The following FHIT variants were observed in gnomAD, a reference collection of about 807,000 sequenced individuals.
FHIT encodes fragile histidine triad diadenosine triphosphatase.
A neutral mutation model predicts 17.9 loss-of-function variants in FHIT; 19 were observed. The ratio of observed to expected loss-of-function variants is 1.06; its 90% confidence interval spans 0.74 to 1.56. The LOEUF is 1.56. Among genes scored for constraint, FHIT ranks in the 40% most tolerant of loss-of-function variants. The probability of loss-of-function intolerance (pLI) is 0.00; values close to 1 mark genes in which losing one functional copy is unlikely to be tolerated. For synonymous variants in FHIT, 81 were observed against 69.7 expected (o/e 1.16, Z -0.81); for missense variants, 248 against 189.2 (o/e 1.31, Z -1.82).
At chr3:60,634,396 T>C (rs2039526550) in intron 4 of FHIT, among the ~76,000 whole-genome samples, 1 of 152,038 alleles carries the variant, frequency 6.6e-6, no homozygotes, top group Non-Finnish European at 1.5e-5. Context: ...GCTGCCCGAG[T>C]AGGGCAGTTG....
intron 5 of FHIT, among the ~76,000 whole-genome samples, chr3:60,132,443 A>AG (rs1199783665): frequency 6.6e-6 from 1 of 152,180 alleles, no homozygotes; most frequent in African/African-American, 2.4e-5. Flanking sequence ...CCATTTGAAA[A>AG]GGGGGGAAAA....
rs1026489813 is a variant in FHIT at position 60,394,297 on chromosome 3, A to T, written c.103+142563T>A. ...TTCTTAACTTTCTATTGAGAAACAGATCAACCCACTCTCTATGCAATTTCA... is the reference window on the plus strand; with the variant it reads ...TTCTTAACTTTCTATTGAGAAACAGTTCAACCCACTCTCTATGCAATTTCA... On this transcript the variant is annotated intron_variant, in intron 5 of 9. Coordinates refer to ENST00000492590, the MANE Select transcript of FHIT (RefSeq NM_002012.4). 3.9e-5 allele frequency among the ~76,000 whole-genome samples: 6 copies of T among 152,306 alleles called. No individual in the cohort carries two copies. The East Asian group carries it at 7.7e-4, about 20-fold the overall frequency.
intron 5 of FHIT, among the ~76,000 whole-genome samples, chr3:60,505,277 G>A (rs74745445): frequency 6.6e-6 from 1 of 152,244 alleles, no homozygotes; most frequent in African/African-American, 2.4e-5. Context: ...TTGCAATTAG[G>A]ATGGTCTCAT....
At chr3:61,010,160 T>C (rs2031706927) in intron 3 of FHIT, among the ~76,000 whole-genome samples, 1 of 151,424 alleles carries the variant, frequency 6.6e-6, no homozygotes, top group Admixed American at 6.6e-5. Context: ...GTCTATGCTA[T>C]AAATATACTT....
intron 4 of FHIT, among the ~76,000 whole-genome samples, chr3:60,671,845 C>G (rs570302898): frequency 4.3e-4 from 65 of 151,100 alleles, no homozygotes; most frequent in South Asian, 1.0e-3. Context: ...AGCTACTTGG[C>G]AGGCTGAGGC....
chr3:61,224,430 T>C (rs2039915726), intron 1 of FHIT, among the ~76,000 whole-genome samples: 1 of 152,202 alleles, frequency 6.6e-6, no homozygotes, highest in Non-Finnish European at 1.5e-5. Context: ...TATTTTATTT[T>C]ATTGACATGG....
chr3:60,604,432 C>T (rs1553670214), intron 4 of FHIT, among the ~76,000 whole-genome samples: 1 of 152,158 alleles, frequency 6.6e-6, no homozygotes, highest in African/African-American at 2.4e-5. Context: ...CCACAGAGCT[C>T]ACCTCCATCT....
intron 8 of FHIT, among the ~76,000 whole-genome samples, chr3:59,843,324 T>A (rs1276338711): frequency 6.6e-6 from 1 of 152,156 alleles, no homozygotes; most frequent in African/African-American, 2.4e-5. Context: ...ACTCCTACAG[T>A]TTACAGTAAG....
At chr3:60,520,508 T>C (rs2035317356) in intron 5 of FHIT, among the ~76,000 whole-genome samples, 1 of 152,112 alleles carries the variant, frequency 6.6e-6, no homozygotes, top group Non-Finnish European at 1.5e-5. Flanking sequence ...AAGAGAAACA[T>C]CTCGTCTAGA....
intron 5 of FHIT, among the ~76,000 whole-genome samples, chr3:60,140,224 T>C (rs951608502): frequency 6.6e-6 from 1 of 152,180 alleles, no homozygotes; most frequent in Admixed American, 6.5e-5. Context: ...TAGACAAATG[T>C]TGTTTCTGTT....
chr3:60,783,700 GT>G (rs1700471450), intron 4 of FHIT, among the ~76,000 whole-genome samples: 2 of 152,136 alleles, frequency 1.3e-5, no homozygotes, highest in South Asian at 4.1e-4. Flanking sequence ...GGGACTAATG[GT>G]TTTAAAATAA....
chr3:60,587,568 G>C (rs7640288), intron 4 of FHIT, among the ~76,000 whole-genome samples: 1,852 of 151,970 alleles, frequency 0.012, 53 homozygotes, highest in African/African-American at 0.043. Flanking sequence ...ATATTCACCG[G>C]GATAAAGAAA....
At chr3:60,009,342 A>G (rs932435199) in intron 7 of FHIT, among the ~76,000 whole-genome samples, 5 of 152,116 alleles carry the variant, frequency 3.3e-5, no homozygotes, top group African/African-American at 1.2e-4. Flanking sequence ...GATGTGCAAA[A>G]CAGCATAACC....
intron 3 of FHIT, among the ~76,000 whole-genome samples, chr3:60,974,352 A>T (rs1032900531): frequency 2.6e-5 from 4 of 152,154 alleles, no homozygotes; most frequent in African/African-American, 9.7e-5. Flanking sequence ...CATTGGCCAG[A>T]GTTATTGGTT....
chr3:60,967,916 C>A (rs56976848), intron 3 of FHIT, among the ~76,000 whole-genome samples: 4 of 152,234 alleles, frequency 2.6e-5, no homozygotes, highest in South Asian at 2.1e-4. Context: ...TATGCTAATT[C>A]GCCACTACAA....
chr3:61,098,433 T>C (rs997096674), intron 2 of FHIT, among the ~76,000 whole-genome samples: 5 of 152,214 alleles, frequency 3.3e-5, no homozygotes, highest in African/African-American at 1.2e-4. Context: ...GCTCTTGGGC[T>C]CTTTTCTGCT....
chr3:59,827,244 G>T (rs906575722), intron 8 of FHIT, among the ~76,000 whole-genome samples: 2 of 152,168 alleles, frequency 1.3e-5, no homozygotes, highest in Admixed American at 6.5e-5. Flanking sequence ...AAGTTTGACT[G>T]ATTTCTTTTC....
At chr3:60,447,171 G>T (rs1275045475) in intron 5 of FHIT, among the ~76,000 whole-genome samples, 1 of 151,994 alleles carries the variant, frequency 6.6e-6, no homozygotes, top group Non-Finnish European at 1.5e-5. Flanking sequence ...TGATTTCTGG[G>T]TCTCTTGGTT....
At chr3:60,934,103 A>ATTCCTCT (rs1708082304) in intron 3 of FHIT, among the ~76,000 whole-genome samples, 1 of 152,174 alleles carries the variant, frequency 6.6e-6, no homozygotes, top group Admixed American at 6.5e-5. Context: ...TCTGCAATAA[A>ATTCCTCT]CCTATTGAGA....
Sources: gnomAD v4.1 joint callset for allele counts (sites outside exome capture counted in the v4.1 genomes callset) on GRCh38, gnomAD v4.1.1 for gene constraint, MANE v1.5 for transcripts, NCBI Gene and HGNC (gene_info 2026-07-23, HGNC 2026-07-21) for gene names.